The following ZSWIM2 variants were observed in gnomAD, a reference collection of about 807,000 sequenced individuals.
ZSWIM2 encodes the protein E3 ubiquitin-protein ligase ZSWIM2.
Under a neutral mutation model 48.4 loss-of-function variants are expected in ZSWIM2, and 38 were observed. The observed-to-expected ratio is 0.79, with a 90% CI of 0.61 to 1.03. ZSWIM2 has a LOEUF of 1.03. Among genes scored for constraint, ZSWIM2 ranks in the 50% least tolerant of loss-of-function variants. The probability of loss-of-function intolerance (pLI) is 0.00; values close to 1 mark genes in which losing one functional copy is unlikely to be tolerated. For missense variants in ZSWIM2, 776 were observed against 730.2 expected, an observed-to-expected ratio of 1.06 and a Z score of -0.72; for synonymous variants, 240 against 251.3, an observed-to-expected ratio of 0.96 and a Z score of 0.42.
intron 3 of ZSWIM2, among the ~76,000 whole-genome samples, chr2:186,843,600 A>G (rs1691946604): frequency 6.6e-6 from 1 of 151,696 alleles, no homozygotes; most frequent in South Asian, 2.1e-4. Flanking sequence ...AGAGAATATC[A>G]AGGTTTACAG....
intron 3 of ZSWIM2, among the ~76,000 whole-genome samples, chr2:186,839,999 TA>T (rs1462138239): frequency 1.3e-5 from 2 of 149,194 alleles, no homozygotes; most frequent in African/African-American, 4.9e-5. Context: ...ATATATGAAT[TA>T]AAAATTATTT....
rs144596733 is a variant in ZSWIM2, at chr2:186,841,316, G to T, written c.284-2147C>A. ...CTAACATGGCAAAATATTTCTATGT[G>T]TCTTTATTTTCATATTTCTTAAATA... On this transcript the variant is annotated intron_variant, in intron 3 of 8. Coordinates refer to ENST00000295131, the MANE Select transcript of ZSWIM2 (RefSeq NM_182521.3). Among the ~76,000 whole-genome samples the T allele has an allele frequency of 1.7e-3, 244 of 146,980 alleles. 9 individuals carry two copies. In the East Asian group the frequency reaches 0.044, roughly 27 times the overall value.
chr2:186,841,775 G>A (rs1691906217), intron 3 of ZSWIM2, among the ~76,000 whole-genome samples: 2 of 151,192 alleles, frequency 1.3e-5, no homozygotes, highest in Admixed American at 1.3e-4. Flanking sequence ...CAGGCTATTA[G>A]GCTGTTTTAT....
chr2:186,832,618 A>G (rs575597919), intron 7 of ZSWIM2, among the ~76,000 whole-genome samples: 20 of 152,282 alleles, frequency 1.3e-4, no homozygotes, highest in African/African-American at 4.3e-4. Context: ...TTCAAATGCA[A>G]ATTTCAAATA....
At position 186,833,083 on chromosome 2, in the gene ZSWIM2, G is replaced by T. The variant is rs771803609; in HGVS notation, c.941+37C>A. ...AATTGAGAAGTTATTCAAAGATTCT[G>T]TCATACAACAAATATAAAATTTACT... On this transcript the variant is annotated intron_variant, in intron 7 of 8. Transcript: ENST00000295131. 1.1e-5 allele frequency: 10 copies of T among 919,346 alleles called. No individual in the cohort carries two copies. The East Asian group carries it at 1.1e-4, about 10-fold the overall frequency. The allele number at this position is 919,346 out of a possible 1,614,324, so 56.9% of individuals were successfully genotyped here.
chr2:186,836,262 TC>T (rs576904315), intron 5 of ZSWIM2, among the ~76,000 whole-genome samples: 1 of 152,020 alleles, frequency 6.6e-6, no homozygotes, highest in Non-Finnish European at 1.5e-5. Context: ...ATACCAAAGA[TC>T]AAGTCCTTCC....
In ZSWIM2 at chr2:186,849,067, GC is replaced by G. The variant is rs760772885; in HGVS notation, c.63del (p.Trp21CysfsTer7). 1.9e-6 allele frequency: 3 copies of G among 1,614,138 alleles called. No homozygotes were observed. Among genetic ancestry groups the G allele is most frequent in the African/African-American group, 2.7e-5 (2 of 75,068 alleles). ...RRRHLSERLS[W>X]HQDQALSSSI... Reference sequence around the variant, plus strand: ...CTGCTACTCAGCGCCTGGTCTTGGTGCCAGCTGAGCCTCTCGCTCAAGTGTC... The same window carrying G: ...CTGCTACTCAGCGCCTGGTCTTGGTGCAGCTGAGCCTCTCGCTCAAGTGTC... On this transcript the variant is annotated frameshift_variant, in exon 1 of 9. Coordinates refer to ENST00000295131, the MANE Select transcript of ZSWIM2 (RefSeq NM_182521.3). LOFTEE classifies it high-confidence loss of function.
intron 3 of ZSWIM2, among the ~76,000 whole-genome samples, chr2:186,842,811 T>C (rs1412938504): frequency 6.6e-6 from 1 of 151,542 alleles, no homozygotes; most frequent in Non-Finnish European, 1.5e-5. Context: ...AGTTTTTAAC[T>C]TAAAGCTGAT....
intron 3 of ZSWIM2, among the ~76,000 whole-genome samples, chr2:186,839,640 A>T (rs544383638): frequency 1.3e-5 from 2 of 151,774 alleles, no homozygotes; most frequent in East Asian, 3.9e-4. Flanking sequence ...GACTTAATTA[A>T]TTGTGCCTAT....
intron 1 of ZSWIM2, 74 bp downstream of exon 1, chr2:186,848,892 C>A: frequency 6.3e-7 from 1 of 1,578,582 alleles, no homozygotes; most frequent in Non-Finnish European, 8.7e-7. Context: ...TGGCTACGCA[C>A]ATTGGGTATG....
intron 2 of ZSWIM2, among the ~76,000 whole-genome samples, chr2:186,846,808 C>CATATATATATATATATATATATAT (rs1264213432): frequency 1.8e-3 from 91 of 50,248 alleles, no homozygotes; most frequent in African/African-American, 3.3e-3. Flanking sequence ...CACACACACA[C>CATATATATATATATATATATATAT]ACATATATAT....
chr2:186,836,682 A>G (rs1691798719), intron 5 of ZSWIM2, among the ~76,000 whole-genome samples: 1 of 152,160 alleles, frequency 6.6e-6, no homozygotes, highest in Non-Finnish European at 1.5e-5. Flanking sequence ...TAATTAAGAA[A>G]ATACAAATTT....
intron 2 of ZSWIM2, among the ~76,000 whole-genome samples, chr2:186,846,385 C>T (rs1323019471): frequency 1.3e-5 from 2 of 151,782 alleles, no homozygotes; most frequent in Non-Finnish European, 2.9e-5. Context: ...ATAAAATGCT[C>T]AACATCACTA....
chr2:186,837,377 C>T lies in ZSWIM2; in HGVS notation c.672G>A (p.Glu224=). The change falls in exon 5 of 9, where the codon GAG becomes GAA. Residue 224 remains glutamate (E), a synonymous_variant. Coordinates refer to ENST00000295131, the MANE Select transcript of ZSWIM2 (RefSeq NM_182521.3). ...GAATCCCAAGGTGTTTGTCCAGTCT[C>T]TCTTTTTCTGCTGCAGCTACTAGTT... The part of the protein sequence containing the change: ...SSKLVAAAEK[E]RLDKHLGIPC... 1 of 1,613,110 alleles carries T rather than the reference C, an allele frequency of 6.2e-7. No individual in the cohort carries two copies. Among genetic ancestry groups the T allele is most frequent in the Non-Finnish European group, 8.5e-7 (1 of 1,179,368 alleles).
rs550720805 is a variant in ZSWIM2 at position 186,847,480 on chromosome 2, A to T, written c.242+239T>A. ...ATTTGTACATGAGAATCTAAAATTG[A>T]TTTTTTCTATTTAAAAGCATTAACA... On this transcript the variant is annotated intron_variant, in intron 2 of 8. Transcript: ENST00000295131. Among the ~76,000 whole-genome samples, 3 of 152,200 alleles carry T rather than the reference A, an allele frequency of 2.0e-5. No homozygotes were observed. The East Asian group carries it at 5.8e-4, about 29-fold the overall frequency.
At chr2:186,837,256 G>A in intron 5 of ZSWIM2, 50 bp downstream of exon 5, 4 of 1,593,578 alleles carry the variant, frequency 2.5e-6, no homozygotes, top group Non-Finnish European at 3.4e-6. Flanking sequence ...GTTTCCTGAT[G>A]TAAAAAAATA....
At chr2:186,834,142 G>A in intron 5 of ZSWIM2, 112 bp from the exon 6 acceptor site, 1 of 732,034 alleles carries the variant, frequency 1.4e-6, no homozygotes, top group Non-Finnish European at 2.3e-6. Context: ...ACATGACAAG[G>A]TTCACCTCAA....
At chr2:186,845,548 A>C (rs1453872455) in intron 2 of ZSWIM2, among the ~76,000 whole-genome samples, 1 of 151,482 alleles carries the variant, frequency 6.6e-6, no homozygotes, top group Non-Finnish European at 1.5e-5. Flanking sequence ...AAAACATTAG[A>C]AATAATTATA....
chr2:186,833,033 TA>T (rs1466280840), intron 7 of ZSWIM2, 86 bp downstream of exon 7: 10 of 575,124 alleles, frequency 1.7e-5, no homozygotes, highest in Admixed American at 4.0e-5. Context: ...AAATAATAAA[TA>T]AAAGAATAAA....
Sources: allele counts gnomAD v4.1 joint callset (sites outside exome capture counted in the v4.1 genomes callset), GRCh38; gene constraint gnomAD v4.1.1; transcripts MANE v1.5; gene names NCBI Gene and HGNC (gene_info 2026-07-23, HGNC 2026-07-21).